LARS1: variants seen among roughly 807,000 people sequenced by gnomAD.
The protein encoded by LARS1 is leucyl-tRNA synthetase 1.
A neutral mutation model predicts 162.8 loss-of-function variants in LARS1; 100 were observed. The observed-to-expected ratio is 0.61, with a 90% CI of 0.52 to 0.73. LARS1 has a LOEUF of 0.73. LARS1 is among the 30% of genes least tolerant of loss of function. LARS1 has a pLI of 0.00. For synonymous variants in LARS1, 457 were observed against 462.8 expected, an observed-to-expected ratio of 0.99 and a Z score of 0.16; for missense variants, 1,258 against 1,408.9, an observed-to-expected ratio of 0.89 and a Z score of 1.71.
chr5:146,153,145 T>C, intron 13 of LARS1, 29 bp downstream of exon 13: 1 of 1,526,326 alleles, frequency 6.6e-7, no homozygotes, highest in Non-Finnish European at 9.1e-7. Context: ...GAGATGGATG[T>C]GAATATTCTG....
chr5:146,123,975 C>T lies in LARS1; in HGVS notation c.3096+7G>A. 6.6e-7 allele frequency: 1 copy of T among 1,520,086 alleles called. No homozygotes were observed. 94.2% of individuals were successfully genotyped at this position (1,520,086 alleles called of 1,614,324 possible). The stretch of plus-strand genomic sequence containing the variant: ...TAACTGGTTATTACAATCCCTGGCC[C>T]TCTTACCTCAAGCGAATTAGTCAGA... On this transcript the variant is annotated splice_region_variant and intron_variant, in intron 29 of 31. Transcript: ENST00000394434.
At chr5:146,180,737 A>G (rs1255385394) in intron 1 of LARS1, among the ~76,000 whole-genome samples, 28 of 152,136 alleles carry the variant, frequency 1.8e-4, no homozygotes, top group Non-Finnish European at 1.5e-4. Context: ...CCAAACACCA[A>G]CTTGTTGTAT....
At chr5:146,140,395 C>T in intron 20 of LARS1, 134 bp from the exon 21 acceptor site, 1 of 656,114 alleles carries the variant, frequency 1.5e-6, no homozygotes. Flanking sequence ...CACTATAGTC[C>T]TTTTTGTAAT....
At chr5:146,181,745 A>G (rs375693580) in intron 1 of LARS1, among the ~76,000 whole-genome samples, 3 of 151,070 alleles carry the variant, frequency 2.0e-5, no homozygotes, top group Non-Finnish European at 4.4e-5. Flanking sequence ...CACAGCATTT[A>G]TCAGCACCTG....
At chr5:146,127,778 T>C (rs966064401) in intron 27 of LARS1, among the ~76,000 whole-genome samples, 1 of 152,098 alleles carries the variant, frequency 6.6e-6, no homozygotes, top group South Asian at 2.1e-4. Context: ...AAAAATAGAC[T>C]CACAAGAAAT....
At chr5:146,166,069 A>T (rs926441121) in intron 5 of LARS1, among the ~76,000 whole-genome samples, 1 of 152,206 alleles carries the variant, frequency 6.6e-6, no homozygotes, top group African/African-American at 2.4e-5. Flanking sequence ...TGCTCTGTCC[A>T]CTGAGAGTGC....
At chr5:146,133,178 T>C in intron 22 of LARS1, 97 bp from the exon 23 acceptor site, 3 of 1,006,338 alleles carry the variant, frequency 3.0e-6, no homozygotes, top group African/African-American at 1.6e-5. Flanking sequence ...AAAGCCCATA[T>C]ATAAATTAAC....
intron 29 of LARS1, among the ~76,000 whole-genome samples, chr5:146,123,063 T>C (rs1751896561): frequency 6.6e-6 from 1 of 152,006 alleles, no homozygotes; most frequent in East Asian, 1.9e-4. Flanking sequence ...TTGACCTACA[T>C]GAATATATAT....
chr5:146,113,981 TTGGA>T lies in LARS1; in HGVS notation c.*121_*124del. ...GATAGAATTATGAATACATGCAGAA[TTGGA>T]TGGTTAGAAATGAAATCAATCTATT... On this transcript the variant is annotated 3_prime_UTR_variant, in exon 32 of 32. Transcript: ENST00000394434. 1 of 744,204 alleles carries T rather than the reference TTGGA, an allele frequency of 1.3e-6. No individual in the cohort carries two copies. Among genetic ancestry groups the T allele is most frequent in the Non-Finnish European group, 2.3e-6 (1 of 430,198 alleles). 46.1% of individuals were successfully genotyped at this position (744,204 alleles called of 1,614,324 possible).
At chr5:146,123,168 T>G (rs1379853833) in intron 29 of LARS1, among the ~76,000 whole-genome samples, 3 of 152,048 alleles carry the variant, frequency 2.0e-5, no homozygotes, top group African/African-American at 7.2e-5. Flanking sequence ...ACAACTTTCT[T>G]CCATCTCCGT....
At chr5:146,118,113 A>C (rs1233423211) in intron 31 of LARS1, among the ~76,000 whole-genome samples, 1 of 152,224 alleles carries the variant, frequency 6.6e-6, no homozygotes. Flanking sequence ...ATATGCAATC[A>C]ACCTAAGTGT....
chr5:146,125,921 T>G (rs13178840), intron 28 of LARS1, among the ~76,000 whole-genome samples: 33,799 of 151,872 alleles, frequency 0.22, 4,828 homozygotes, highest in Admixed American at 0.34. Context: ...GGAAAGGTAG[T>G]TCTACTGGCT....
chr5:146,159,721 A>G (rs1753693007), intron 7 of LARS1, among the ~76,000 whole-genome samples: 1 of 152,152 alleles, frequency 6.6e-6, no homozygotes, highest in African/African-American at 2.4e-5. Context: ...GTATTGAACA[A>G]AAGATTATAA....
chr5:146,155,865 TAA>T (rs1753503515), intron 10 of LARS1, among the ~76,000 whole-genome samples: 1 of 152,160 alleles, frequency 6.6e-6, no homozygotes, highest in African/African-American at 2.4e-5. Flanking sequence ...CATTAGGAAC[TAA>T]AGAGATGTGG....
chr5:146,114,425 T>A (rs1415696129), intron 31 of LARS1, 114 bp from the exon 32 acceptor site: 1 of 820,702 alleles, frequency 1.2e-6, no homozygotes, highest in East Asian at 2.7e-5. Flanking sequence ...ACAAAAATAT[T>A]TTCTTCAGAT....
chr5:146,157,558 T>A lies in LARS1; in HGVS notation c.910A>T (p.Asn304Tyr), dbSNP rs368822487. 17 of 1,614,112 alleles carry A rather than the reference T, an allele frequency of 1.1e-5. No individual in the cohort carries two copies. The highest frequency in any genetic ancestry group is 1.3e-5 in the Non-Finnish European group (15 of 1,180,026). Residue 304 changes from asparagine to tyrosine, a missense_variant, in exon 10 of 32, where the codon AAT becomes TAT. Asn to Tyr is a moderately radical substitution (Grantham distance 143). Transcript: ENST00000394434. ...LRPETMFGQT[N>Y]CWVRPDMKYI... ...TTCATATCAGGACGAACCCAACAAT[T>A]TGTCTGCCCAAACATGGTCTCAGGT... is the stretch of plus-strand genomic sequence containing the variant.
chr5:146,115,058 A>AG (rs1199062613), intron 31 of LARS1, among the ~76,000 whole-genome samples: 3 of 150,874 alleles, frequency 2.0e-5, no homozygotes, highest in African/African-American at 2.5e-5. Context: ...AAAAAAAAAA[A>AG]AAAAAAAAAC....
At position 146,143,052 on chromosome 5, in the gene LARS1, T is replaced by A; in HGVS notation, c.1910A>T (p.Tyr637Phe). 2.5e-6 allele frequency: 4 copies of A among 1,613,672 alleles called. No homozygotes were observed. The highest frequency in any genetic ancestry group is 3.4e-6 in the Non-Finnish European group (4 of 1,179,768). ...PQQMTKEVWD[Y>F]VFFKEAPFPK... ...AAATGGAGCCTCCTTGAAGAAAACA[T>A]AATCCCAAACTTCCTTGGTCATCTG... is the stretch of plus-strand genomic sequence containing the variant. The change falls in exon 20 of 32, where the codon TAT becomes TTT. Residue 637 changes from tyrosine to phenylalanine, a missense_variant. Transcript: ENST00000394434.
intron 22 of LARS1, among the ~76,000 whole-genome samples, chr5:146,134,520 GA>G (rs1194672713): frequency 6.6e-6 from 1 of 152,130 alleles, no homozygotes; most frequent in East Asian, 1.9e-4. Flanking sequence ...AATTATATAA[GA>G]AATGAATGGT....
Sources: gnomAD v4.1 joint callset for allele counts (sites outside exome capture counted in the v4.1 genomes callset) on GRCh38, gnomAD v4.1.1 for gene constraint, MANE v1.5 for transcripts, NCBI Gene and HGNC (gene_info 2026-07-23, HGNC 2026-07-21) for gene names.